The following FLACC1 variants were observed in gnomAD, a reference collection of about 807,000 sequenced individuals.
FLACC1 encodes flagellum associated containing coiled-coil domains 1, also known as flagellum-associated coiled-coil domain-containing protein 1.
FLACC1 carries 66 observed loss-of-function variants against 62.8 expected under a neutral mutation model. The observed-to-expected ratio is 1.05, with a 90% CI of 0.86 to 1.29. The LOEUF (loss-of-function observed/expected upper bound fraction) is 1.29. FLACC1 is among the 50% of genes most tolerant of loss of function. The probability of loss-of-function intolerance (pLI) is 0.00; values close to 1 mark genes in which losing one functional copy is unlikely to be tolerated. For synonymous variants in FLACC1, 156 were observed against 161.0 expected, an observed-to-expected ratio of 0.97 and a Z score of 0.24; for missense variants, 452 against 489.1, an observed-to-expected ratio of 0.92 and a Z score of 0.71.
chr2:201,294,031 T>A (rs1209068957), intron 12 of FLACC1, among the ~76,000 whole-genome samples: 2 of 152,152 alleles, frequency 1.3e-5, no homozygotes, highest in African/African-American at 2.4e-5. Flanking sequence ...CAATAATTAA[T>A]AGCTTACTAA....
At chr2:201,297,936 G>A (rs1232974009) in intron 12 of FLACC1, among the ~76,000 whole-genome samples, 1 of 152,164 alleles carries the variant, frequency 6.6e-6, no homozygotes, top group East Asian at 1.9e-4. Flanking sequence ...GGATATCCGG[G>A]AAAGAGCTTT....
upstream of FLACC1, among the ~76,000 whole-genome samples, chr2:201,359,728 C>A (rs115158904): frequency 6.6e-6 from 1 of 151,996 alleles, no homozygotes; most frequent in African/African-American, 2.4e-5. Flanking sequence ...TGGAGGGAAG[C>A]GTCTTGGTTG....
chr2:201,312,169 C>T (rs1950228698), intron 9 of FLACC1, among the ~76,000 whole-genome samples: 1 of 152,142 alleles, frequency 6.6e-6, no homozygotes. Flanking sequence ...TAATTGCATA[C>T]CTAGAAAACT....
chr2:201,347,502 G>A (rs1439108929), intron 4 of FLACC1, among the ~76,000 whole-genome samples: 1 of 152,064 alleles, frequency 6.6e-6, no homozygotes, highest in Non-Finnish European at 1.5e-5. Flanking sequence ...ACCATTAAAG[G>A]ACTGCATGGC....
intron 11 of FLACC1, among the ~76,000 whole-genome samples, chr2:201,304,592 C>T (rs775595831): frequency 6.6e-5 from 10 of 152,132 alleles, no homozygotes; most frequent in Non-Finnish European, 1.5e-4. Context: ...TTTTATGGTT[C>T]ATTTGGAACC....
At chr2:201,309,837 G>A (rs1950180326) in intron 9 of FLACC1, among the ~76,000 whole-genome samples, 1 of 144,304 alleles carries the variant, frequency 6.9e-6, no homozygotes, top group Admixed American at 7.3e-5. Flanking sequence ...AACCTAGAAG[G>A]CAGAGGTTGC....
At chr2:201,336,813 AT>A (rs373407084) in intron 7 of FLACC1, among the ~76,000 whole-genome samples, 1 of 152,050 alleles carries the variant, frequency 6.6e-6, no homozygotes, top group Non-Finnish European at 1.5e-5. Context: ...AATATATGTT[AT>A]TTTTTGTCTT....
chr2:201,291,253 T>A (rs1418505278), intron 12 of FLACC1, among the ~76,000 whole-genome samples: 1 of 152,078 alleles, frequency 6.6e-6, no homozygotes, highest in Non-Finnish European at 1.5e-5. Flanking sequence ...GACCCCTGAG[T>A]AGCCTAACTG....
chr2:201,316,699 T>C (rs1950313964), intron 9 of FLACC1, among the ~76,000 whole-genome samples: 2 of 152,150 alleles, frequency 1.3e-5, no homozygotes, highest in South Asian at 4.1e-4. Flanking sequence ...CCCTAAATCA[T>C]TGTATGAAGC....
At chr2:201,350,582 G>A in intron 3 of FLACC1, 129 bp downstream of exon 3, 1 of 746,120 alleles carries the variant, frequency 1.3e-6, no homozygotes, top group Non-Finnish European at 2.2e-6. Context: ...TCGAGAGGCT[G>A]AGGCAGGAGA....
chr2:201,322,201 G>A (rs1222969856), intron 9 of FLACC1, among the ~76,000 whole-genome samples: 11 of 151,464 alleles, frequency 7.3e-5, no homozygotes, highest in South Asian at 2.1e-4. Flanking sequence ...CCCAGGAGGC[G>A]GAGATTGCAG....
At position 201,330,648 on chromosome 2, in the gene FLACC1, T is replaced by A. The variant is rs1950574909; in HGVS notation, c.622+88A>T. On this transcript the variant is annotated intron_variant, in intron 8 of 14. Transcript: ENST00000392257. ...CATCACCAAGGTAGTAAAACCTTTG[T>A]GTGCCTTGGAAATCACCCTAGAAGC... The A allele has an allele frequency of 2.5e-5, 38 of 1,540,924 alleles. No individual in the cohort carries two copies. In the South Asian group the frequency reaches 4.1e-4, roughly 16 times the overall value.
At chr2:201,290,789 G>A (rs1235361313) in intron 12 of FLACC1, among the ~76,000 whole-genome samples, 1 of 152,186 alleles carries the variant, frequency 6.6e-6, no homozygotes, top group East Asian at 1.9e-4. Flanking sequence ...GCCAAGGAAA[G>A]GGGTGACAGA....
At position 201,346,835 on chromosome 2, in the gene FLACC1, T is replaced by C. The variant is rs1215765683; in HGVS notation, c.235-160A>G. On this transcript the variant is annotated intron_variant, in intron 4 of 14. Transcript: ENST00000392257. The surrounding 1 kb of genome is among the most constrained non-coding windows in gnomAD (Gnocchi z 4.0). ...TCACCCATTATAGCTCATTCTCACA[T>C]CTCTCCGACTCAAATCTGATGCTTA... 6.6e-6 allele frequency among the ~76,000 whole-genome samples: 1 copy of C among 152,144 alleles called. No individual in the cohort carries two copies. Among genetic ancestry groups the C allele is most frequent in the Admixed American group, 6.5e-5 (1 of 15,286 alleles).
At chr2:201,290,351 T>C (rs970298387) in intron 12 of FLACC1, among the ~76,000 whole-genome samples, 4 of 149,576 alleles carry the variant, frequency 2.7e-5, no homozygotes, top group Non-Finnish European at 5.9e-5. Flanking sequence ...CAATGCAAGA[T>C]ACTAATAATA....
rs1950905887 is a variant in FLACC1 at position 201,346,009 on chromosome 2, A to G, written c.368+533T>C. On this transcript the variant is annotated intron_variant, in intron 5 of 14. Transcript: ENST00000392257. This position sits in a 1 kb window ranked among gnomAD's most constrained non-coding sequence, Gnocchi z 4.0. ...GCAAAATCCCATCTCTACTAAAGCT[A>G]TAAATATTAGCCGGGCGTCATGGTG... Among the ~76,000 whole-genome samples, 1 of 152,170 alleles carries G rather than the reference A, an allele frequency of 6.6e-6. No homozygotes were observed. The highest frequency in any genetic ancestry group is 1.5e-5 in the Non-Finnish European group (1 of 68,020).
intron 9 of FLACC1, 133 bp downstream of exon 9, chr2:201,330,337 G>T: frequency 2.4e-6 from 2 of 820,714 alleles, no homozygotes; most frequent in South Asian, 2.1e-5. Context: ...GGTGCAGCTA[G>T]TGCCACTTAG....
At chr2:201,302,930 A>C (rs1181413058) in intron 11 of FLACC1, among the ~76,000 whole-genome samples, 1 of 152,240 alleles carries the variant, frequency 6.6e-6, no homozygotes. Flanking sequence ...CATTTAAAGC[A>C]GTGTGTAGAG....
At chr2:201,305,143 T>A (rs996202743) in intron 11 of FLACC1, among the ~76,000 whole-genome samples, 1 of 152,078 alleles carries the variant, frequency 6.6e-6, no homozygotes, top group East Asian at 1.9e-4. Context: ...AGAGTGAACA[T>A]GCAACCTACA....
Sources: gnomAD v4.1 joint callset for allele counts (sites outside exome capture counted in the v4.1 genomes callset) on GRCh38, gnomAD v4.1.1 for gene constraint, Gnocchi (gnomAD v3.1) non-coding constraint, MANE v1.5 for transcripts, NCBI Gene and HGNC (gene_info 2026-07-23, HGNC 2026-07-21) for gene names.